HHAT: variants seen among roughly 807,000 people sequenced by gnomAD.
HHAT encodes protein-cysteine N-palmitoyltransferase HHAT.
HHAT carries 47 observed loss-of-function variants against 70.8 expected under a neutral mutation model. The ratio of observed to expected loss-of-function variants is 0.66; its 90% CI spans 0.53 to 0.85. HHAT has a LOEUF of 0.85. Ranked by LOEUF, HHAT falls within the 40% of genes least tolerant of loss-of-function variation. The pLI is 0.00. For missense variants in HHAT, 609 were observed against 604.8 expected, an observed-to-expected ratio of 1.01 and a Z score of -0.07; for synonymous variants, 228 against 247.6, an observed-to-expected ratio of 0.92 and a Z score of 0.74.
chr1:210,515,166 G>C (rs1051773185), intron 9 of HHAT, among the ~76,000 whole-genome samples: 2 of 152,174 alleles, frequency 1.3e-5, no homozygotes, highest in Non-Finnish European at 2.9e-5. Flanking sequence ...ATTCAGGTAG[G>C]GGGCAGAGTA....
intron 11 of HHAT, among the ~76,000 whole-genome samples, chr1:210,641,183 T>C (rs960426241): frequency 3.3e-5 from 5 of 152,308 alleles, no homozygotes; most frequent in African/African-American, 1.2e-4. Flanking sequence ...AATGTCCATA[T>C]AGTGGGGCAG....
intron 8 of HHAT, among the ~76,000 whole-genome samples, chr1:210,479,045 G>A (rs1342456222): frequency 2.6e-5 from 4 of 152,164 alleles, no homozygotes; most frequent in African/African-American, 9.7e-5. Context: ...GCCAGCAGCA[G>A]GAGTAGCAAA....
At chr1:210,641,331 T>C (rs926127407) in intron 11 of HHAT, among the ~76,000 whole-genome samples, 1 of 152,196 alleles carries the variant, frequency 6.6e-6, no homozygotes, top group Non-Finnish European at 1.5e-5. Flanking sequence ...ACCTGTTTAG[T>C]CAGTACCCAG....
At chr1:210,539,921 G>A (rs1320726071) in intron 9 of HHAT, among the ~76,000 whole-genome samples, 2 of 152,128 alleles carry the variant, frequency 1.3e-5, no homozygotes, top group Non-Finnish European at 2.9e-5. Flanking sequence ...GATCATCAAG[G>A]GCTTATGAAG....
intron 11 of HHAT, among the ~76,000 whole-genome samples, chr1:210,627,463 C>T (rs958699218): frequency 2.0e-5 from 3 of 152,094 alleles, no homozygotes; most frequent in African/African-American, 7.2e-5. Context: ...TAGTGATTTC[C>T]ATGAAAATGT....
intron 8 of HHAT, among the ~76,000 whole-genome samples, chr1:210,503,680 G>C (rs1164252580): frequency 6.6e-6 from 1 of 152,104 alleles, no homozygotes; most frequent in East Asian, 1.9e-4. Flanking sequence ...TCCACACCGG[G>C]TAGTGTCCTC....
chr1:210,404,582 C>T lies in HHAT; in HGVS notation c.587C>T (p.Ser196Leu), dbSNP rs376601925. 4 of 1,613,930 alleles carry T rather than the reference C, an allele frequency of 2.5e-6. No individual in the cohort carries two copies. Among genetic ancestry groups the T allele is most frequent in the Non-Finnish European group, 2.5e-6 (3 of 1,179,840 alleles). The change falls in exon 6 of 12, where the codon TCG becomes TTG. Residue 196 changes from serine to leucine, a missense_variant. Ser to Leu is a moderately radical substitution (Grantham distance 145, BLOSUM62 -2). Coordinates refer to ENST00000261458, the MANE Select transcript of HHAT (RefSeq NM_018194.6). The part of the protein sequence containing the change: ...ELCWQQLPAA[S>L]TSYSFPWMLA... ...TGCTGGCAGCAGCTGCCTGCTGCAT[C>T]GACCTCCTACTCCTTTCCCTGGATG... is the stretch of plus-strand genomic sequence containing the variant.
chr1:210,490,825 G>A (rs185154293), intron 8 of HHAT, among the ~76,000 whole-genome samples: 17 of 152,084 alleles, frequency 1.1e-4, no homozygotes, highest in Non-Finnish European at 2.2e-4. Context: ...TTTCTGCTAA[G>A]AAAACCATTC....
chr1:210,415,320 C>T, intron 6 of HHAT, among the ~76,000 whole-genome samples: 1 of 152,166 alleles, frequency 6.6e-6, no homozygotes, highest in East Asian at 1.9e-4. Flanking sequence ...AGATCTGCTG[C>T]CATAGACTTC....
chr1:210,572,327 T>C (rs1656504134), intron 9 of HHAT, among the ~76,000 whole-genome samples: 1 of 152,342 alleles, frequency 6.6e-6, no homozygotes, highest in African/African-American at 2.4e-5. Flanking sequence ...TTGATTATTT[T>C]TTGAAAATCA....
chr1:210,532,425 G>A lies in HHAT; in HGVS notation c.1043+19237G>A, dbSNP rs943871976. ...TTCAGAGGCCCAAGATTCCAGTCCT[G>A]GCTTTTCCATTTATTTCATGGCCTT... is the stretch of plus-strand genomic sequence containing the variant. On this transcript the variant is annotated intron_variant, in intron 9 of 11. Coordinates refer to ENST00000261458, the MANE Select transcript of HHAT (RefSeq NM_018194.6). 1.5e-4 allele frequency among the ~76,000 whole-genome samples: 23 copies of A among 152,210 alleles called. No homozygotes were observed. The East Asian group carries it at 4.4e-3, about 29-fold the overall frequency.
intron 11 of HHAT, among the ~76,000 whole-genome samples, chr1:210,627,965 A>C (rs57650303): frequency 0.13 from 19,290 of 152,202 alleles, 1,370 homozygotes; most frequent in African/African-American, 0.17. Flanking sequence ...GGCTCTCAGA[A>C]GCACTTGTTA....
chr1:210,391,973 A>G (rs2091488758), intron 4 of HHAT, among the ~76,000 whole-genome samples: 1 of 152,038 alleles, frequency 6.6e-6, no homozygotes, highest in Non-Finnish European at 1.5e-5. Flanking sequence ...GGGTTCAAGC[A>G]ATCCTCCTGC....
At chr1:210,463,049 G>C (rs975058392) in intron 7 of HHAT, 2 of 152,164 alleles carry the variant, frequency 1.3e-5, no homozygotes, top group African/African-American at 4.8e-5. Flanking sequence ...GTTCCTTCTA[G>C]GCTTGGCCTG....
At chr1:210,499,825 T>C (rs554729234) in intron 8 of HHAT, among the ~76,000 whole-genome samples, 2 of 152,198 alleles carry the variant, frequency 1.3e-5, no homozygotes, top group South Asian at 2.1e-4. Context: ...ACTCTACTTA[T>C]ATCTTAGTCA....
At chr1:210,402,431 A>G (rs1317523322) in intron 5 of HHAT, among the ~76,000 whole-genome samples, 1 of 151,944 alleles carries the variant, frequency 6.6e-6, no homozygotes, top group South Asian at 2.1e-4. Flanking sequence ...TTACACATTT[A>G]CGTATGTTTA....
chr1:210,578,339 A>G lies in HHAT; in HGVS notation c.1044-9559A>G, dbSNP rs78392304. Among the ~76,000 whole-genome samples the G allele has an allele frequency of 1.4e-3, 214 of 152,292 alleles. 1 individual carries two copies. The highest frequency in any genetic ancestry group is 4.8e-3 in the African/African-American group (200 of 41,562). ...GGCTATTATTTTCTAGAAAAAAAAG[A>G]TAACAGATGTTGGTGAGGATGTGGA... On this transcript the variant is annotated intron_variant, in intron 9 of 11. Coordinates refer to ENST00000261458, the MANE Select transcript of HHAT (RefSeq NM_018194.6).
intron 4 of HHAT, among the ~76,000 whole-genome samples, chr1:210,398,462 C>T (rs1411516400): frequency 6.6e-6 from 1 of 152,064 alleles, no homozygotes; most frequent in African/African-American, 2.4e-5. Flanking sequence ...TTTTTCTGCC[C>T]CAAGGTGGCT....
intron 8 of HHAT, among the ~76,000 whole-genome samples, chr1:210,474,598 C>T (rs945694612): frequency 6.6e-6 from 1 of 152,168 alleles, no homozygotes; most frequent in African/African-American, 2.4e-5. Context: ...ACTTCCTGGG[C>T]CCATCCTCCA....
Sources: gnomAD v4.1 joint callset for allele counts (sites outside exome capture counted in the v4.1 genomes callset) on GRCh38, gnomAD v4.1.1 for gene constraint, MANE v1.5 for transcripts, NCBI Gene and HGNC (gene_info 2026-07-23, HGNC 2026-07-21) for gene names.